Variants in CPED1 observed in about 807,000 individuals in gnomAD.
CPED1 encodes cadherin like and PC-esterase domain containing 1, also known as cadherin-like and PC-esterase domain-containing protein 1.
In CPED1, 114 loss-of-function variants were observed where a neutral mutation model predicts 128.2. The ratio of observed to expected loss-of-function variants is 0.89; its 90% CI spans 0.76 to 1.04. The LOEUF (loss-of-function observed/expected upper bound fraction) is 1.04. Ranked by LOEUF, CPED1 falls within the 50% of genes least tolerant of loss-of-function variation. The pLI is 0.00. For missense variants in CPED1, 1,211 were observed against 1,207.1 expected (o/e 1.00, Z -0.05); for synonymous variants, 462 against 426.7 (o/e 1.08, Z -1.02).
intron 21 of CPED1, among the ~76,000 whole-genome samples, chr7:121,269,323 A>G (rs975970158): frequency 1.3e-5 from 2 of 151,940 alleles, no homozygotes; most frequent in African/African-American, 4.8e-5. Context: ...TTCTGCAAAA[A>G]ACATGATTTT....
chr7:121,295,103 A>G (rs1792796018), intron 22 of CPED1, among the ~76,000 whole-genome samples: 1 of 150,592 alleles, frequency 6.6e-6, no homozygotes, highest in African/African-American at 2.5e-5. Flanking sequence ...CTATTGTAGT[A>G]CTATGTCAAA....
At chr7:121,202,473 T>G (rs974491841) in intron 16 of CPED1, among the ~76,000 whole-genome samples, 1 of 152,134 alleles carries the variant, frequency 6.6e-6, no homozygotes, top group East Asian at 1.9e-4. Flanking sequence ...TTGGAGGTAG[T>G]CTTCTATCTA....
At chr7:121,262,160 G>A (rs184817320) in intron 18 of CPED1, among the ~76,000 whole-genome samples, 124 of 152,052 alleles carry the variant, frequency 8.2e-4, no homozygotes, top group African/African-American at 2.7e-3. Context: ...GCCCTGTGAC[G>A]TGCCTCCTCC....
chr7:121,245,042 T>A (rs1033968981), intron 18 of CPED1, among the ~76,000 whole-genome samples: 4 of 152,200 alleles, frequency 2.6e-5, no homozygotes, highest in Non-Finnish European at 1.5e-5. Flanking sequence ...TTCAAAGTGC[T>A]TTTTATTAGA....
intron 18 of CPED1, among the ~76,000 whole-genome samples, chr7:121,248,905 A>G (rs1488768585): frequency 1.3e-5 from 2 of 152,222 alleles, no homozygotes; most frequent in African/African-American, 4.8e-5. Context: ...GATTCAACAG[A>G]AAGTTGAAAC....
rs1213427045 is a variant in CPED1 at position 121,271,276 on chromosome 7, CCAAT to C, written c.2722-5_2722-2del. On this transcript the variant is annotated splice_polypyrimidine_tract_variant and splice_region_variant and intron_variant, in intron 21 of 22. Transcript: ENST00000310396. Reference sequence around the variant, plus strand: ...ATAAAAATTCTCATTCTTCTGCTTTCCAATCAGAGTGAAGTACAGAACTTATGGA... The same window carrying C: ...ATAAAAATTCTCATTCTTCTGCTTTCCAGAGTGAAGTACAGAACTTATGGA... The C allele has an allele frequency of 1.3e-6, 2 of 1,597,120 alleles. No homozygotes were observed. Among genetic ancestry groups the C allele is most frequent in the Admixed American group, 1.7e-5 (1 of 58,640 alleles).
intron 22 of CPED1, among the ~76,000 whole-genome samples, chr7:121,281,904 A>G (rs1212233039): frequency 1.3e-5 from 2 of 152,194 alleles, no homozygotes; most frequent in Non-Finnish European, 2.9e-5. Context: ...GTCCTTCACT[A>G]TCTCTTCCTA....
In CPED1 at chr7:121,130,284, C is replaced by T; in HGVS notation, c.1567C>T (p.Pro523Ser). Reference sequence around the variant, plus strand: ...CATGAATAAAAAGACACAGCCACATCCACTGGAATGGTAAGATAGCCACAA... The same window carrying T: ...CATGAATAAAAAGACACAGCCACATTCACTGGAATGGTAAGATAGCCACAA... ...QFMNKKTQPHPLEWNSFTEDK... is the reference protein window; with the variant it reads ...QFMNKKTQPHSLEWNSFTEDK... The change falls in exon 12 of 23, where the codon CCA (proline) becomes TCA (serine). Residue 523 changes from proline (P) to serine (S), a missense_variant. By Grantham distance (74) the Pro-to-Ser change is moderately conservative (BLOSUM62 -1). Coordinates refer to ENST00000310396, the MANE Select transcript of CPED1 (RefSeq NM_024913.5). 6.3e-7 allele frequency: 1 copy of T among 1,598,490 alleles called. No homozygotes were observed. The highest frequency in any genetic ancestry group is 1.7e-5 in the Admixed American group (1 of 57,370).
chr7:121,262,933 A>G (rs887949613), intron 18 of CPED1, among the ~76,000 whole-genome samples: 3 of 152,112 alleles, frequency 2.0e-5, no homozygotes, highest in Admixed American at 1.3e-4. Context: ...TTCCAACAGA[A>G]CAATCAATCT....
intron 22 of CPED1, among the ~76,000 whole-genome samples, chr7:121,283,544 C>G (rs937273333): frequency 3.3e-5 from 5 of 152,176 alleles, no homozygotes; most frequent in Non-Finnish European, 5.9e-5. Context: ...GGAAGAGAGA[C>G]ATACAGAAAC....
At chr7:121,166,428 A>AT (rs2116450838) in intron 16 of CPED1, among the ~76,000 whole-genome samples, 1 of 152,282 alleles carries the variant, frequency 6.6e-6, no homozygotes, top group Admixed American at 6.5e-5. Flanking sequence ...CATATATTAT[A>AT]TTTACTTATA....
intron 2 of CPED1, among the ~76,000 whole-genome samples, chr7:120,999,749 A>G (rs1214170260): frequency 2.6e-5 from 4 of 152,304 alleles, no homozygotes; most frequent in Admixed American, 6.5e-5. Context: ...TATCTGAGAC[A>G]GTTGATTAGA....
intron 15 of CPED1, among the ~76,000 whole-genome samples, chr7:121,141,767 GC>G (rs1460539616): frequency 6.6e-6 from 1 of 152,008 alleles, no homozygotes; most frequent in East Asian, 1.9e-4. Flanking sequence ...GATATAACTT[GC>G]CCTAAAAGAA....
At chr7:121,286,353 T>C (rs1186589368) in intron 22 of CPED1, among the ~76,000 whole-genome samples, 1 of 152,168 alleles carries the variant, frequency 6.6e-6, no homozygotes, top group Non-Finnish European at 1.5e-5. Context: ...AAGTTGCATC[T>C]GAAATTAAGT....
At chr7:121,248,601 A>C (rs867522894) in intron 18 of CPED1, among the ~76,000 whole-genome samples, 24 of 151,488 alleles carry the variant, frequency 1.6e-4, no homozygotes, top group East Asian at 9.7e-4. Flanking sequence ...AAACAAAAAA[A>C]AAAAAAAAAA....
intron 2 of CPED1, among the ~76,000 whole-genome samples, chr7:121,002,922 T>C (rs73431844): frequency 0.024 from 3,710 of 152,258 alleles, 100 homozygotes; most frequent in African/African-American, 0.065. Context: ...TAACCAAGCA[T>C]TTATAGTAAT....
intron 3 of CPED1, among the ~76,000 whole-genome samples, chr7:121,032,253 C>A (rs781209324): frequency 2.0e-5 from 3 of 151,948 alleles, no homozygotes; most frequent in Non-Finnish European, 4.4e-5. Flanking sequence ...ACAAAAGAAG[C>A]AAGATTGCTA....
chr7:121,291,682 A>T (rs987486727), intron 22 of CPED1, among the ~76,000 whole-genome samples: 1 of 152,230 alleles, frequency 6.6e-6, no homozygotes, highest in East Asian at 1.9e-4. Flanking sequence ...GTTGCTTATC[A>T]GCTCGAGGAG....
At chr7:121,273,444 C>A (rs1042003143) in intron 22 of CPED1, among the ~76,000 whole-genome samples, 12 of 152,008 alleles carry the variant, frequency 7.9e-5, no homozygotes, top group African/African-American at 2.9e-4. Context: ...ATCACTTGAA[C>A]CTGGGAAGTA....
Sources: gnomAD v4.1 joint callset for allele counts (sites outside exome capture counted in the v4.1 genomes callset) on GRCh38, gnomAD v4.1.1 for gene constraint, MANE v1.5 for transcripts, NCBI Gene and HGNC (gene_info 2026-07-23, HGNC 2026-07-21) for gene names.